ARNT2: variants seen among roughly 807,000 people sequenced by gnomAD.
ARNT2 encodes the protein ARNT protein 2.
ARNT2 carries 36 observed loss-of-function variants against 91.7 expected under a neutral mutation model. The ratio of observed to expected loss-of-function variants is 0.39; its 90% CI spans 0.30 to 0.52. The LOEUF (loss-of-function observed/expected upper bound fraction) is 0.52. Ranked by LOEUF, ARNT2 falls within the 20% of genes least tolerant of loss-of-function variation. The pLI is 0.72. For missense variants in ARNT2, 775 were observed against 939.3 expected (o/e 0.83, Z 2.29); for synonymous variants, 365 against 347.1 (o/e 1.05, Z -0.57).
chr15:80,552,592 T>C, intron 9 of ARNT2, 48 bp from the exon 10 acceptor site: 1 of 1,597,254 alleles, frequency 6.3e-7, no homozygotes. Flanking sequence ...ACCATCTCCA[T>C]CTCGTCTCTG....
intron 12 of ARNT2, among the ~76,000 whole-genome samples, chr15:80,573,069 C>T (rs532867955): frequency 9.6e-4 from 146 of 152,328 alleles, no homozygotes; most frequent in Non-Finnish European, 1.5e-3. Flanking sequence ...TCCACAGTCC[C>T]TCATCTGGGT....
At chr15:80,455,065 T>C (rs1191799560) in intron 2 of ARNT2, among the ~76,000 whole-genome samples, 2 of 152,168 alleles carry the variant, frequency 1.3e-5, no homozygotes, top group African/African-American at 4.8e-5. Context: ...AAACAAAGGA[T>C]GATTTACTTA....
At chr15:80,535,734 T>TTG (rs371949113) in intron 8 of ARNT2, among the ~76,000 whole-genome samples, 6 of 75,384 alleles carry the variant, frequency 8.0e-5, no homozygotes, top group Admixed American at 1.1e-4. Flanking sequence ...ACAGGTTTTT[T>TTG]TTTTTTTTGT....
chr15:80,571,762 A>G (rs780991134), intron 12 of ARNT2, among the ~76,000 whole-genome samples: 1 of 152,210 alleles, frequency 6.6e-6, no homozygotes, highest in African/African-American at 2.4e-5. Flanking sequence ...TCCTAGTATA[A>G]CAACTATGAA....
intron 1 of ARNT2, among the ~76,000 whole-genome samples, chr15:80,446,419 C>A (rs759561440): frequency 1.2e-4 from 18 of 152,114 alleles, no homozygotes; most frequent in Non-Finnish European, 2.6e-4. Context: ...GATGGAGTGA[C>A]CCCAAAGCAT....
chr15:80,597,450 G>C lies in ARNT2; in HGVS notation c.*3752G>C. 1 of 339,690 alleles carries C rather than the reference G, an allele frequency of 2.9e-6. No individual in the cohort carries two copies. Among genetic ancestry groups the C allele is most frequent in the South Asian group, 2.3e-5 (1 of 44,396 alleles). 21.0% of individuals were successfully genotyped at this position (339,690 alleles called of 1,614,324 possible). ...TTCCCCACCAAACACCCCATACTAA[G>C]GAGCCATGAGCCACCTGGACATTCA... On this transcript the variant is annotated 3_prime_UTR_variant, in exon 19 of 19. Transcript: ENST00000303329.
intron 17 of ARNT2, among the ~76,000 whole-genome samples, chr15:80,585,802 T>G (rs1453771402): frequency 6.6e-6 from 1 of 152,148 alleles, no homozygotes; most frequent in Non-Finnish European, 1.5e-5. Flanking sequence ...GGGAGCACCC[T>G]GACATCCTGC....
chr15:80,554,308 C>T (rs1185630137), intron 10 of ARNT2, among the ~76,000 whole-genome samples: 2 of 152,138 alleles, frequency 1.3e-5, no homozygotes, highest in Non-Finnish European at 2.9e-5. Context: ...ACTCGGGAGG[C>T]TGAGGCAGGA....
At chr15:80,593,496 A>G in intron 18 of ARNT2, 104 bp from the exon 19 acceptor site, 1 of 885,862 alleles carries the variant, frequency 1.1e-6, no homozygotes, top group Non-Finnish European at 1.7e-6. Flanking sequence ...CTGCCCCTTT[A>G]GGGATGGCCA....
intron 3 of ARNT2, among the ~76,000 whole-genome samples, chr15:80,466,292 AG>A (rs2141391675): frequency 6.6e-6 from 1 of 152,326 alleles, no homozygotes; most frequent in Non-Finnish European, 1.5e-5. Context: ...GTGTGCAGTT[AG>A]TTGAACCTCT....
intron 1 of ARNT2, among the ~76,000 whole-genome samples, chr15:80,412,273 T>C (rs1441595081): frequency 6.6e-6 from 1 of 152,242 alleles, no homozygotes; most frequent in African/African-American, 2.4e-5. Flanking sequence ...CATCTCTTAC[T>C]GTTTTGGTTT....
At chr15:80,519,500 A>G (rs1171989224) in intron 8 of ARNT2, among the ~76,000 whole-genome samples, 1 of 152,140 alleles carries the variant, frequency 6.6e-6, no homozygotes, top group East Asian at 1.9e-4. Context: ...AGAGGAAGCA[A>G]TCAGATATGC....
chr15:80,496,459 C>T (rs936460636), intron 5 of ARNT2, among the ~76,000 whole-genome samples: 1 of 152,222 alleles, frequency 6.6e-6, no homozygotes, highest in African/African-American at 2.4e-5. Context: ...TTCTTAAAAA[C>T]CTTTTCCAGG....
intron 6 of ARNT2, 70 bp from the exon 7 acceptor site, chr15:80,513,841 A>T (rs534842715): frequency 6.1e-6 from 8 of 1,320,634 alleles, no homozygotes; most frequent in Non-Finnish European, 8.7e-6. Flanking sequence ...CATCTACTTG[A>T]TGGCAGCACC....
At chr15:80,405,099 C>A (rs892078148) in intron 1 of ARNT2, among the ~76,000 whole-genome samples, 1 of 152,324 alleles carries the variant, frequency 6.6e-6, no homozygotes, top group East Asian at 1.9e-4. Context: ...AACACCCAGC[C>A]TGTGGTCACC....
At chr15:80,456,759 G>T (rs1896487389) in intron 2 of ARNT2, among the ~76,000 whole-genome samples, 1 of 152,072 alleles carries the variant, frequency 6.6e-6, no homozygotes, top group African/African-American at 2.4e-5. Context: ...AGAGCCTGAG[G>T]GTATGGGTCA....
intron 12 of ARNT2, among the ~76,000 whole-genome samples, chr15:80,568,390 G>A (rs753732367): frequency 6.6e-6 from 1 of 152,204 alleles, no homozygotes; most frequent in African/African-American, 2.4e-5. Flanking sequence ...TCCTGTCACA[G>A]CATTGTTCCA....
chr15:80,450,469 G>A (rs1188650911), intron 1 of ARNT2, among the ~76,000 whole-genome samples: 6 of 152,188 alleles, frequency 3.9e-5, no homozygotes, highest in East Asian at 3.9e-4. Context: ...GCAGCAGGGC[G>A]TTGCCTCTCA....
chr15:80,442,911 G>A (rs1293249511), intron 1 of ARNT2: 6 of 985,334 alleles, frequency 6.1e-6, no homozygotes, highest in South Asian at 4.7e-5. Context: ...ACTATTTTGA[G>A]GCAGTGACAT....
Sources: allele counts gnomAD v4.1 joint callset (sites outside exome capture counted in the v4.1 genomes callset), GRCh38; gene constraint gnomAD v4.1.1; transcripts MANE v1.5; gene names NCBI Gene and HGNC (gene_info 2026-07-23, HGNC 2026-07-21).